Variants in PKHD1 observed in about 807,000 individuals in gnomAD.
The protein encoded by PKHD1 is PKHD1 ciliary IPT domain containing fibrocystin/polyductin, also known as fibrocystin.
Under a neutral mutation model 412.0 loss-of-function variants are expected in PKHD1, and 291 were observed. The ratio of observed to expected loss-of-function variants is 0.71; its 90% CI spans 0.64 to 0.78. PKHD1 has a LOEUF of 0.78. PKHD1 is among the 30% of genes least tolerant of loss of function. The pLI is 0.00. For synonymous variants in PKHD1, 1,777 were observed against 1,821.5 expected (o/e 0.98, Z 0.62); for missense variants, 4,825 against 4,950.7 (o/e 0.97, Z 0.76).
At chr6:51,639,265 C>A (rs1430555723) in intron 63 of PKHD1, among the ~76,000 whole-genome samples, 1 of 152,080 alleles carries the variant, frequency 6.6e-6, no homozygotes, top group Non-Finnish European at 1.5e-5. Flanking sequence ...AGGAAATAGG[C>A]TCATGAAAGA....
chr6:52,047,748 C>A (rs1284358528), intron 23 of PKHD1, among the ~76,000 whole-genome samples: 1 of 152,112 alleles, frequency 6.6e-6, no homozygotes, highest in African/African-American at 2.4e-5. Context: ...ACAACTGGAC[C>A]CTGTCATCAG....
In PKHD1 at chr6:51,658,973, G is replaced by A; in HGVS notation, c.11153C>T (p.Ser3718Leu). The A allele has an allele frequency of 6.2e-7, 1 of 1,611,702 alleles. No individual in the cohort carries two copies. Among genetic ancestry groups the A allele is most frequent in the South Asian group, 1.1e-5 (1 of 91,022 alleles). Residue 3718 changes from serine to leucine, a missense_variant, in exon 61 of 67, where the codon TCA becomes TTA. Ser to Leu is a moderately radical substitution (Grantham distance 145). Coordinates refer to ENST00000371117, the MANE Select transcript of PKHD1 (RefSeq NM_138694.4). ...MTIGALLVTQ[S>L]KGVIGYGNTS... ...TTACCCATAGCCAATGACTCCCTTT[G>A]ACTGAGTAACTAGTAAGGCCCCGAT... is the stretch of plus-strand genomic sequence containing the variant.
Position 52,062,824 on chromosome 6 carries a change from T to G in PKHD1, c.977-164A>C, listed in dbSNP as rs531069536. Among the ~76,000 whole-genome samples, 6 of 152,348 alleles carry G rather than the reference T, an allele frequency of 3.9e-5. No individual in the cohort carries two copies. In the South Asian group the frequency reaches 1.2e-3, roughly 32 times the overall value. On this transcript the variant is annotated intron_variant, in intron 13 of 66. Coordinates refer to ENST00000371117, the MANE Select transcript of PKHD1 (RefSeq NM_138694.4). Reference sequence around the variant, plus strand: ...GTTATATGAAAGGTTCTGTAGTTAATATGAAATACAAATGTTCCGGAAAGT... The same window carrying G: ...GTTATATGAAAGGTTCTGTAGTTAAGATGAAATACAAATGTTCCGGAAAGT...
intron 24 of PKHD1, 121 bp downstream of exon 24, chr6:52,045,883 C>A (rs770929322): frequency 4.0e-5 from 30 of 755,986 alleles, no homozygotes; most frequent in Non-Finnish European, 6.4e-5. Flanking sequence ...TCCCTTTACT[C>A]AAATATTCCA....
intron 35 of PKHD1, among the ~76,000 whole-genome samples, chr6:52,007,149 C>T (rs1196933109): frequency 6.6e-6 from 1 of 152,216 alleles, no homozygotes; most frequent in Non-Finnish European, 1.5e-5. Flanking sequence ...CTGCTATAAA[C>T]ATGCGTGTGC....
At chr6:52,074,316 G>A (rs1006054828) in intron 6 of PKHD1, among the ~76,000 whole-genome samples, 6 of 152,124 alleles carry the variant, frequency 3.9e-5, no homozygotes, top group Admixed American at 3.9e-4. Context: ...GCACTCATTG[G>A]ATGACTCTCA....
chr6:52,016,985 C>T (rs1164989299), intron 34 of PKHD1, among the ~76,000 whole-genome samples: 1 of 152,172 alleles, frequency 6.6e-6, no homozygotes, highest in Non-Finnish European at 1.5e-5. Context: ...TTTGAATAAA[C>T]ATTGTACAAT....
chr6:51,741,274 T>C (rs1176366450), intron 60 of PKHD1: 2 of 505,592 alleles, frequency 4.0e-6, no homozygotes, highest in African/African-American at 1.9e-5. Context: ...ATGCTTTTGA[T>C]GCCACACCCA....
chr6:51,668,198 T>A (rs2150478849), intron 60 of PKHD1, among the ~76,000 whole-genome samples: 1 of 152,288 alleles, frequency 6.6e-6, no homozygotes, highest in East Asian at 1.9e-4. Flanking sequence ...TTCTTCCATT[T>A]GTTTGTATCC....
intron 28 of PKHD1, among the ~76,000 whole-genome samples, chr6:52,033,704 G>A (rs549256400): frequency 2.1e-4 from 32 of 151,994 alleles, no homozygotes; most frequent in African/African-American, 7.5e-4. Context: ...TAAGTACTAG[G>A]ATAAAATCTG....
chr6:51,836,320 A>G, intron 51 of PKHD1, 84 bp downstream of exon 51: 1 of 902,576 alleles, frequency 1.1e-6, no homozygotes, highest in South Asian at 1.3e-5. Context: ...CTGTTTATTA[A>G]CAGTATGACA....
At chr6:51,718,825 A>G (rs567198567) in intron 60 of PKHD1, among the ~76,000 whole-genome samples, 130 of 152,338 alleles carry the variant, frequency 8.5e-4, no homozygotes, top group African/African-American at 2.9e-3. Context: ...GTGCAAGTAT[A>G]CTGCATCAAG....
In PKHD1 at chr6:52,068,474, C is replaced by G. The variant is rs73739129; in HGVS notation, c.778+983G>C. On this transcript the variant is annotated intron_variant, in intron 11 of 66. Transcript: ENST00000371117. ...GTGGCAAGAAGAGTGTGCTTCCCAC[C>G]ATATATTGGCTATGGACATAAGATT... Among the ~76,000 whole-genome samples the G allele has an allele frequency of 8.3e-3, 1,266 of 152,284 alleles. 20 individuals carry two copies. Among genetic ancestry groups the G allele is most frequent in the African/African-American group, 0.028 (1,170 of 41,552 alleles).
intron 52 of PKHD1, among the ~76,000 whole-genome samples, chr6:51,816,289 G>A (rs1765446821): frequency 6.6e-6 from 1 of 152,126 alleles, no homozygotes; most frequent in Non-Finnish European, 1.5e-5. Flanking sequence ...TCAAACCTAT[G>A]TTGGAAGCCC....
intron 47 of PKHD1, 91 bp downstream of exon 47, chr6:51,870,413 A>G: frequency 9.4e-7 from 1 of 1,062,556 alleles, no homozygotes; most frequent in East Asian, 2.4e-5. Context: ...ACTGAAAGAG[A>G]TAATGATTCA....
At chr6:51,911,692 G>A (rs1782960355) in intron 39 of PKHD1, 107 bp downstream of exon 39, 1 of 989,890 alleles carries the variant, frequency 1.0e-6, no homozygotes, top group Admixed American at 1.7e-5. Flanking sequence ...AAAGTTTAAG[G>A]GCTTATTCTA....
intron 35 of PKHD1, among the ~76,000 whole-genome samples, chr6:51,981,512 T>C (rs1583689533): frequency 6.7e-6 from 1 of 148,684 alleles, no homozygotes; most frequent in Admixed American, 6.7e-5. Flanking sequence ...GGAGACGGGG[T>C]TTTGCTGTGT....
intron 35 of PKHD1, among the ~76,000 whole-genome samples, chr6:51,979,824 G>C (rs138357434): frequency 4.5e-4 from 68 of 152,268 alleles, no homozygotes; most frequent in Middle Eastern, 3.4e-3. Context: ...AACATACCCT[G>C]ACTTGTATGC....
At chr6:51,622,359 G>A (rs1163875195) in intron 66 of PKHD1, 1 of 152,016 alleles carries the variant, frequency 6.6e-6, no homozygotes, top group African/African-American at 2.4e-5. Flanking sequence ...TTTGAGCCTA[G>A]TTCCATGTGC....
Sources: gnomAD v4.1 joint callset for allele counts (sites outside exome capture counted in the v4.1 genomes callset) on GRCh38, gnomAD v4.1.1 for gene constraint, MANE v1.5 for transcripts, NCBI Gene and HGNC (gene_info 2026-07-23, HGNC 2026-07-21) for gene names.